Variants in ARFGEF3 observed in about 807,000 individuals in gnomAD.
The protein encoded by ARFGEF3 is brefeldin A-inhibited guanine nucleotide-exchange protein 3.
A neutral mutation model predicts 221.7 loss-of-function variants in ARFGEF3; 96 were observed. The observed-to-expected ratio is 0.43, with a 90% CI of 0.37 to 0.51. ARFGEF3 has a LOEUF of 0.51. ARFGEF3 is among the 20% of genes least tolerant of loss of function. The pLI is 0.00. For missense variants in ARFGEF3, 2,410 were observed against 2,789.9 expected (o/e 0.86, Z 3.07); for synonymous variants, 1,145 against 1,126.8 (o/e 1.02, Z -0.32).
At chr6:138,234,501 G>T (rs11154966) in intron 5 of ARFGEF3, among the ~76,000 whole-genome samples, 13 of 144,782 alleles carry the variant, frequency 9.0e-5, no homozygotes, top group East Asian at 4.3e-4. Context: ...TGTGTGTGTG[G>T]TGTGTGTTTG....
chr6:138,251,582 G>A (rs985159973), intron 8 of ARFGEF3, among the ~76,000 whole-genome samples: 1 of 152,048 alleles, frequency 6.6e-6, no homozygotes, highest in Non-Finnish European at 1.5e-5. Flanking sequence ...ATCTTAGTGT[G>A]GCCTACAGGA....
In ARFGEF3 at chr6:138,291,962, C is replaced by T. The variant is rs1360691106; in HGVS notation, c.3277C>T (p.Arg1093Trp). Residue 1093 changes from arginine to tryptophan, a missense_variant, in exon 19 of 34, where the codon CGG becomes TGG. Around this residue, in one of 5 missense-constraint regions of ARFGEF3, gnomAD observed 184 missense variants for 141.8 expected, o/e 1.30. Transcript: ENST00000251691. The surrounding 1 kb of genome is among the most constrained non-coding windows in gnomAD (Gnocchi z 4.5). ...CCAGGACCTCGTCCGGGAAGGCAGC[C>T]GGGGTCGGGCCTCCGACTTCCGCGG... ...SIQDLVREGSRGRASDFRGGS... is the reference protein window; with the variant it reads ...SIQDLVREGSWGRASDFRGGS... 5.2e-6 allele frequency: 8 copies of T among 1,532,108 alleles called. No homozygotes were observed. The Admixed American group carries it at 6.0e-5, about 11-fold the overall frequency. 94.9% of individuals were successfully genotyped at this position (1,532,108 alleles called of 1,614,324 possible). A position where few individuals can be genotyped will look rare whatever the true frequency, so the allele number is the denominator to read the frequency against.
chr6:138,179,186 A>G (rs1176318948), intron 2 of ARFGEF3, among the ~76,000 whole-genome samples: 1 of 152,244 alleles, frequency 6.6e-6, no homozygotes, highest in African/African-American at 2.4e-5. Context: ...GTCCCAATTC[A>G]GGATTGTCTC....
At position 138,263,062 on chromosome 6, in the gene ARFGEF3, G is replaced by A; in HGVS notation, c.1579G>A (p.Asp527Asn). 1.9e-6 allele frequency: 3 copies of A among 1,613,256 alleles called. No homozygotes were observed. The highest frequency in any genetic ancestry group is 2.5e-6 in the Non-Finnish European group (3 of 1,179,614). The change falls in exon 12 of 34, where the codon GAC (aspartate) becomes AAC (asparagine). Residue 527 changes from aspartate (D) to asparagine (N), a missense_variant. Transcript: ENST00000251691. Reference sequence around the variant, plus strand: ...AGAGTTGGGTCAGACTACACCCGAGGACCATTCGGGAAACCACAAGAACAG... The same window carrying A: ...AGAGTTGGGTCAGACTACACCCGAGAACCATTCGGGAAACCACAAGAACAG... Reference protein sequence around the residue: ...EGELGQTTPEDHSGNHKNSLK... With the variant: ...EGELGQTTPENHSGNHKNSLK...
At chr6:138,323,993 A>G (rs774221227) in intron 30 of ARFGEF3, 30 bp from the exon 31 acceptor site, 4 of 1,607,946 alleles carry the variant, frequency 2.5e-6, no homozygotes, top group Non-Finnish European at 3.4e-6. Context: ...ACCAGGATGC[A>G]TTCAGTGAGC....
chr6:138,316,793 A>G (rs1023636767), intron 26 of ARFGEF3, among the ~76,000 whole-genome samples: 10 of 152,242 alleles, frequency 6.6e-5, no homozygotes, highest in African/African-American at 2.4e-4. Context: ...TGGAAACAGT[A>G]GTGATAGTCG....
At chr6:138,197,700 T>G (rs1777455932) in intron 2 of ARFGEF3, among the ~76,000 whole-genome samples, 1 of 152,218 alleles carries the variant, frequency 6.6e-6, no homozygotes, top group South Asian at 2.1e-4. Context: ...TGACTGTATT[T>G]GTCCATCCTT....
chr6:138,227,046 T>C (rs1418925593), intron 4 of ARFGEF3, among the ~76,000 whole-genome samples: 1 of 151,996 alleles, frequency 6.6e-6, no homozygotes, highest in African/African-American at 2.4e-5. Flanking sequence ...TGATTTTGTT[T>C]TTTTTTTTTC....
At chr6:138,231,173 T>C (rs1308392559) in intron 5 of ARFGEF3, among the ~76,000 whole-genome samples, 1 of 152,066 alleles carries the variant, frequency 6.6e-6, no homozygotes, top group East Asian at 1.9e-4. Context: ...TCCTGAATAA[T>C]AGGCACACAC....
intron 2 of ARFGEF3, among the ~76,000 whole-genome samples, chr6:138,180,994 A>G (rs1214551647): frequency 6.6e-6 from 1 of 152,188 alleles, no homozygotes. Flanking sequence ...TTAACATAGT[A>G]TAAGTGATAA....
Position 138,340,902 on chromosome 6 carries a change from T to C in ARFGEF3, c.*4416T>C, listed in dbSNP as rs1207155541. 1 of 152,080 alleles carries C rather than the reference T, an allele frequency of 6.6e-6. No individual in the cohort carries two copies. The highest frequency in any genetic ancestry group is 1.5e-5 in the Non-Finnish European group (1 of 68,028). The allele number at this position is 152,080 out of a possible 1,614,324, so 9.4% of individuals were successfully genotyped here. A position where few individuals can be genotyped will look rare whatever the true frequency, so the allele number is the denominator to read the frequency against. On this transcript the variant is annotated 3_prime_UTR_variant, in exon 34 of 34. Transcript: ENST00000251691. Reference sequence around the variant, plus strand: ...TCTGTCTGGGATGTTATGGAGGTTTTTAAAAATAAAGTTGAAAAAAGAAAA... The same window carrying C: ...TCTGTCTGGGATGTTATGGAGGTTTCTAAAAATAAAGTTGAAAAAAGAAAA...
chr6:138,268,421 T>C (rs78332509), intron 12 of ARFGEF3, among the ~76,000 whole-genome samples: 2,183 of 152,314 alleles, frequency 0.014, 45 homozygotes, highest in African/African-American at 0.049. Flanking sequence ...CTTTCTCGGC[T>C]GAATCACAGT....
chr6:138,215,298 G>A (rs1006506970), intron 4 of ARFGEF3, among the ~76,000 whole-genome samples: 4 of 152,146 alleles, frequency 2.6e-5, no homozygotes, highest in African/African-American at 7.2e-5. Context: ...GGGAGATGTG[G>A]GCATCCTATC....
At chr6:138,249,360 C>T (rs1026284944) in intron 8 of ARFGEF3, among the ~76,000 whole-genome samples, 2 of 152,144 alleles carry the variant, frequency 1.3e-5, no homozygotes, top group Admixed American at 6.5e-5. Context: ...GAGACAGTCT[C>T]ACTCTGTCGC....
intron 14 of ARFGEF3, among the ~76,000 whole-genome samples, chr6:138,283,212 G>C (rs1779228903): frequency 6.6e-6 from 1 of 152,194 alleles, no homozygotes; most frequent in Non-Finnish European, 1.5e-5. Flanking sequence ...ATTTGGTTGA[G>C]GACCCTAAAC....
chr6:138,296,980 G>C, intron 21 of ARFGEF3, 25 bp downstream of exon 21: 2 of 1,597,382 alleles, frequency 1.3e-6, no homozygotes, highest in Non-Finnish European at 1.7e-6. Flanking sequence ...GGTGGGAAGA[G>C]GCTGGAACTG....
At chr6:138,178,450 T>A (rs568517012) in intron 2 of ARFGEF3, among the ~76,000 whole-genome samples, 14 of 152,342 alleles carry the variant, frequency 9.2e-5, no homozygotes, top group Middle Eastern at 3.4e-3. Flanking sequence ...CTACTTATCC[T>A]TGAAGACTGT....
At chr6:138,255,342 A>T in intron 9 of ARFGEF3, 94 bp from the exon 10 acceptor site, 1 of 874,188 alleles carries the variant, frequency 1.1e-6, no homozygotes, top group East Asian at 2.5e-5. Flanking sequence ...AAAGAGCCGC[A>T]CTCTTGTCAT....
At chr6:138,179,175 T>C (rs1022611496) in intron 2 of ARFGEF3, among the ~76,000 whole-genome samples, 1 of 152,250 alleles carries the variant, frequency 6.6e-6, no homozygotes, top group Non-Finnish European at 1.5e-5. Flanking sequence ...ACTCCTATCC[T>C]GTCCCAATTC....
Sources: allele counts gnomAD v4.1 joint callset (sites outside exome capture counted in the v4.1 genomes callset), GRCh38; gene constraint gnomAD v4.1.1; regional missense constraint gnomAD v4.1.1; non-coding constraint Gnocchi (gnomAD v3.1); transcripts MANE v1.5; gene names NCBI Gene and HGNC (gene_info 2026-07-23, HGNC 2026-07-21).